Variants in AUTS2 observed in about 807,000 individuals in gnomAD.
The protein encoded by AUTS2 is autism susceptibility gene 2 protein.
AUTS2 carries 17 observed loss-of-function variants against 112.4 expected under a neutral mutation model. The ratio of observed to expected loss-of-function variants is 0.15; its 90% confidence interval spans 0.10 to 0.23. AUTS2 has a LOEUF of 0.23. Ranked by LOEUF, AUTS2 falls within the 10% of genes least tolerant of loss-of-function variation. AUTS2 has a pLI of 1.00. For synonymous variants in AUTS2, 751 were observed against 702.7 expected (o/e 1.07, Z -1.09); for missense variants, 1,510 against 1,701.6 (o/e 0.89, Z 1.98).
intron 17 of AUTS2, chr7:70,786,802 C>T (rs998513837): frequency 1.3e-5 from 4 of 314,594 alleles, no homozygotes; most frequent in African/African-American, 2.2e-5. Flanking sequence ...GAGAGGGCCA[C>T]GGTGGGTAGA....
chr7:70,370,840 CT>C (rs567217333), intron 4 of AUTS2, among the ~76,000 whole-genome samples: 254 of 145,100 alleles, frequency 1.8e-3, no homozygotes, highest in African/African-American at 3.6e-3. Context: ...CACTTGTTGT[CT>C]TTTTTTTTTT....
At chr7:70,382,080 C>T (rs1322320158) in intron 4 of AUTS2, among the ~76,000 whole-genome samples, 1 of 152,120 alleles carries the variant, frequency 6.6e-6, no homozygotes, top group Non-Finnish European at 1.5e-5. Flanking sequence ...GACACCATTG[C>T]CCTACAACTT....
At chr7:70,321,831 C>G (rs1209617870) in intron 4 of AUTS2, among the ~76,000 whole-genome samples, 1 of 152,042 alleles carries the variant, frequency 6.6e-6, no homozygotes, top group Admixed American at 6.6e-5. Context: ...CCTCCCGCCC[C>G]GAGAATAGTA....
At chr7:70,512,574 C>T (rs1350665926) in intron 5 of AUTS2, among the ~76,000 whole-genome samples, 3 of 152,110 alleles carry the variant, frequency 2.0e-5, no homozygotes, top group African/African-American at 7.2e-5. Flanking sequence ...TCCATACTGT[C>T]AGCTGACATG....
intron 4 of AUTS2, among the ~76,000 whole-genome samples, chr7:70,177,729 T>C (rs1333812395): frequency 6.6e-6 from 1 of 152,172 alleles, no homozygotes; most frequent in Non-Finnish European, 1.5e-5. Flanking sequence ...TTATGATGTG[T>C]AAGTGATTTA....
intron 5 of AUTS2, among the ~76,000 whole-genome samples, chr7:70,629,082 C>A (rs1249914434): frequency 6.6e-6 from 1 of 152,266 alleles, no homozygotes; most frequent in East Asian, 1.9e-4. Context: ...AGATGCCAAC[C>A]GTCTGCAGAT....
At chr7:70,273,306 C>T (rs1787778371) in intron 4 of AUTS2, among the ~76,000 whole-genome samples, 1 of 152,080 alleles carries the variant, frequency 6.6e-6, no homozygotes, top group African/African-American at 2.4e-5. Context: ...AGCCACTGTG[C>T]CTGGCCTGTG....
At chr7:69,923,268 C>T (rs1795883667) in intron 2 of AUTS2, among the ~76,000 whole-genome samples, 1 of 152,164 alleles carries the variant, frequency 6.6e-6, no homozygotes, top group Non-Finnish European at 1.5e-5. Context: ...TGCCTTTGTA[C>T]TTTTGTAAAC....
chr7:69,726,246 CAT>C (rs1001916189), intron 1 of AUTS2, among the ~76,000 whole-genome samples: 4 of 152,044 alleles, frequency 2.6e-5, no homozygotes, highest in Non-Finnish European at 5.9e-5. Context: ...TTCGTGTTAA[CAT>C]AGTTTAGTTT....
chr7:69,793,990 G>T (rs1229224893), intron 1 of AUTS2, among the ~76,000 whole-genome samples: 1 of 152,196 alleles, frequency 6.6e-6, no homozygotes, highest in Non-Finnish European at 1.5e-5. Flanking sequence ...GGGGTGATTG[G>T]AGCATGGGGC....
At position 70,789,771 on chromosome 7, in the gene AUTS2, C is replaced by G; in HGVS notation, c.2555C>G (p.Ser852Cys). 6.2e-7 allele frequency: 1 copy of G among 1,613,680 alleles called. No homozygotes were observed. The highest frequency in any genetic ancestry group is 8.5e-7 in the Non-Finnish European group (1 of 1,179,734). Residue 852 changes from serine (S) to cysteine (C), a missense_variant, in exon 19 of 19, where the codon TCC becomes TGC. Ser to Cys is a moderately radical substitution (Grantham distance 112, BLOSUM62 -1). This residue lies in a region of AUTS2 where 788 missense variants were observed against 797.6 expected (regional missense o/e 0.99). Coordinates refer to ENST00000342771, the MANE Select transcript of AUTS2 (RefSeq NM_015570.4). The stretch of plus-strand genomic sequence containing the variant: ...AGGGAAAGCGTCGAGAAGAGACACT[C>G]CAGCCACCCTTCACCAGCACCTGTC... ...KERESVEKRHSSHPSPAPVLP... is the reference protein window; with the variant it reads ...KERESVEKRHCSHPSPAPVLP...
At chr7:70,605,383 G>T (rs1219194237) in intron 5 of AUTS2, among the ~76,000 whole-genome samples, 3 of 152,160 alleles carry the variant, frequency 2.0e-5, no homozygotes, top group Non-Finnish European at 4.4e-5. Context: ...ACCAAGCCAG[G>T]AGGGACTGGA....
chr7:69,678,011 AG>A (rs1166251415), intron 1 of AUTS2, among the ~76,000 whole-genome samples: 1 of 152,200 alleles, frequency 6.6e-6, no homozygotes, highest in Admixed American at 6.5e-5. Context: ...TGCCAAAGCA[AG>A]CTCTTGGGGT....
rs567924024 is a variant in AUTS2, at chr7:70,014,595, A to G, written c.523-103537A>G. 5.3e-5 allele frequency among the ~76,000 whole-genome samples: 8 copies of G among 151,922 alleles called. No individual in the cohort carries two copies. The South Asian group carries it at 1.5e-3, about 28-fold the overall frequency. ...TCTTTTTTTGCTCTTGCTCTCTGTG[A>G]TTTTTTGGTAGTTCTCTTTTATGTG... On this transcript the variant is annotated intron_variant, in intron 2 of 18. Coordinates refer to ENST00000342771, the MANE Select transcript of AUTS2 (RefSeq NM_015570.4).
intron 5 of AUTS2, among the ~76,000 whole-genome samples, chr7:70,485,513 A>T (rs1797955723): frequency 6.6e-6 from 1 of 152,154 alleles, no homozygotes; most frequent in Non-Finnish European, 1.5e-5. Flanking sequence ...TACATATTGG[A>T]TATAGTGTAC....
At chr7:70,585,228 G>A (rs1182555023) in intron 5 of AUTS2, among the ~76,000 whole-genome samples, 3 of 152,150 alleles carry the variant, frequency 2.0e-5, no homozygotes, top group African/African-American at 7.2e-5. Context: ...GGGGCAAACT[G>A]TCCCTGCCCT....
chr7:69,889,627 C>G (rs913869217), intron 1 of AUTS2, among the ~76,000 whole-genome samples: 1 of 152,112 alleles, frequency 6.6e-6, no homozygotes, highest in Non-Finnish European at 1.5e-5. Flanking sequence ...GGAAAAATGT[C>G]TAGTCAGATT....
At chr7:70,377,313 C>CAA (rs1793132382) in intron 4 of AUTS2, among the ~76,000 whole-genome samples, 1 of 71,208 alleles carries the variant, frequency 1.4e-5, no homozygotes, top group Admixed American at 1.6e-4. Flanking sequence ...GGGTCTCAAA[C>CAA]AAACAAATAT....
chr7:70,704,528 T>C (rs749943835), intron 6 of AUTS2, among the ~76,000 whole-genome samples: 1 of 152,268 alleles, frequency 6.6e-6, no homozygotes, highest in South Asian at 2.1e-4. Flanking sequence ...AGCTTGAATG[T>C]TCATCAGCCT....
Sources: allele counts gnomAD v4.1 joint callset (sites outside exome capture counted in the v4.1 genomes callset), GRCh38; gene constraint gnomAD v4.1.1; regional missense constraint gnomAD v4.1.1; transcripts MANE v1.5; gene names NCBI Gene and HGNC (gene_info 2026-07-23, HGNC 2026-07-21).